The following SNTG2 variants were observed in gnomAD, a reference collection of about 807,000 sequenced individuals.
SNTG2 encodes the protein gamma-2-syntrophin.
In SNTG2, 74 loss-of-function variants were observed where a neutral mutation model predicts 70.9. The observed-to-expected ratio is 1.04, with a 90% CI of 0.86 to 1.27. The LOEUF is 1.27. Ranked by LOEUF, SNTG2 falls within the 50% of genes most tolerant of loss-of-function variation. The pLI, the probability that SNTG2 is intolerant of heterozygous loss-of-function variation, is 0.00. For synonymous variants in SNTG2, 278 were observed against 273.8 expected, an observed-to-expected ratio of 1.02 and a Z score of -0.15; for missense variants, 717 against 690.7, an observed-to-expected ratio of 1.04 and a Z score of -0.43.
At chr2:1,001,531 TA>T (rs1318523290) in intron 1 of SNTG2, among the ~76,000 whole-genome samples, 1 of 151,780 alleles carries the variant, frequency 6.6e-6, no homozygotes, top group Admixed American at 6.6e-5. Flanking sequence ...CTACAATAAG[TA>T]AAATACCTAG....
chr2:1,084,885 C>T, intron 2 of SNTG2, among the ~76,000 whole-genome samples: 1 of 152,210 alleles, frequency 6.6e-6, no homozygotes, highest in Non-Finnish European at 1.5e-5. Context: ...GGGCACCTGA[C>T]CCCATTCATG....
At chr2:984,774 G>A (rs79440324) in intron 1 of SNTG2, among the ~76,000 whole-genome samples, 3,237 of 152,316 alleles carry the variant, frequency 0.021, 110 homozygotes, top group African/African-American at 0.074. Context: ...GGTAACAGAC[G>A]TCCAGGTGCT....
Position 1,222,129 on chromosome 2 carries a change from C to CTGCCTA in SNTG2, c.719+12900_719+12901insGCCTAT, listed in dbSNP as rs1209807504. ...TGTCTCTCTCTGTCTCTCTCTGTCT[C>CTGCCTA]TCTCTGTCTCTCTCTGTCTCTGCCT... On this transcript the variant is annotated intron_variant, in intron 9 of 16. Transcript: ENST00000308624. Among the ~76,000 whole-genome samples the CTGCCTA allele has an allele frequency of 5.1e-5, 5 of 97,950 alleles. 1 individual carries two copies. The highest frequency in any genetic ancestry group is 7.6e-5 in the African/African-American group (2 of 26,310). The allele number at this position is 97,950 out of a possible 152,430, so 64.3% of individuals were successfully genotyped here. A position where few individuals can be genotyped will look rare whatever the true frequency, so the allele number is the denominator to read the frequency against.
chr2:1,134,950 G>A (rs552017144), intron 4 of SNTG2, among the ~76,000 whole-genome samples: 17 of 152,154 alleles, frequency 1.1e-4, no homozygotes, highest in Non-Finnish European at 2.5e-4. Context: ...TACACCCTCC[G>A]CAGCCGCTGG....
intron 16 of SNTG2, among the ~76,000 whole-genome samples, chr2:1,360,044 A>G (rs183185424): frequency 1.7e-4 from 17 of 97,728 alleles, no homozygotes; most frequent in African/African-American, 5.9e-4. Flanking sequence ...ATTCTATCCC[A>G]TTTTTCCCAT....
intron 1 of SNTG2, among the ~76,000 whole-genome samples, chr2:956,615 C>T (rs1394129660): frequency 1.3e-5 from 2 of 152,224 alleles, no homozygotes; most frequent in African/African-American, 4.8e-5. Context: ...ATGGGCCCAT[C>T]TCGGTCGGGC....
chr2:1,288,902 C>T (rs149579463), intron 14 of SNTG2, among the ~76,000 whole-genome samples: 1 of 152,302 alleles, frequency 6.6e-6, no homozygotes, highest in Admixed American at 6.5e-5. Flanking sequence ...CCAGCCCCTG[C>T]ATTTGCAGGT....
chr2:1,221,480 T>C (rs1257015909), intron 9 of SNTG2, among the ~76,000 whole-genome samples: 2 of 54,534 alleles, frequency 3.7e-5, no homozygotes, highest in African/African-American at 1.1e-4. Context: ...TCTGTCTCTC[T>C]CTCTCTCTGT....
chr2:1,090,579 C>T (rs1664954530), intron 2 of SNTG2, among the ~76,000 whole-genome samples: 1 of 152,140 alleles, frequency 6.6e-6, no homozygotes, highest in Non-Finnish European at 1.5e-5. Context: ...TTTGCAAGGG[C>T]CGGTGGGTGA....
At chr2:978,066 T>G (rs1558290067) in intron 1 of SNTG2, among the ~76,000 whole-genome samples, 1 of 152,256 alleles carries the variant, frequency 6.6e-6, no homozygotes, top group Non-Finnish European at 1.5e-5. Flanking sequence ...TGTGACCCCA[T>G]TGAAGCATGG....
rs554799298 is a variant in SNTG2, at chr2:1,201,020, A to G, written c.592-8083A>G. On this transcript the variant is annotated intron_variant, in intron 8 of 16. Transcript: ENST00000308624. ...TCAGAAAACTAAAAATAGAGCTACT[A>G]TATGATTGAGCAATCCCACTAGTGG... 5.7e-4 allele frequency among the ~76,000 whole-genome samples: 86 copies of G among 152,160 alleles called. 1 individual carries two copies. Among genetic ancestry groups the G allele is most frequent in the African/African-American group, 1.8e-3 (76 of 41,566 alleles).
rs192877132 is a variant in SNTG2 at position 981,135 on chromosome 2, A to G, written c.72+30067A>G. 1.7e-3 allele frequency among the ~76,000 whole-genome samples: 254 copies of G among 152,200 alleles called. 4 individuals are homozygous for G. The South Asian group carries it at 0.018, about 11-fold the overall frequency. ...TTTTACTACTGTTCAGACTCATTCT[A>G]TTGTAGCTTTGCTTTTCATGATCAA... On this transcript the variant is annotated intron_variant, in intron 1 of 16. Coordinates refer to ENST00000308624, the MANE Select transcript of SNTG2 (RefSeq NM_018968.4).
chr2:1,011,681 T>C (rs952579904), intron 1 of SNTG2, among the ~76,000 whole-genome samples: 3 of 75,432 alleles, frequency 4.0e-5, no homozygotes, highest in Non-Finnish European at 9.8e-5. Flanking sequence ...AATTGCAGGC[T>C]TTTTTTGTTG....
intron 6 of SNTG2, among the ~76,000 whole-genome samples, chr2:1,162,695 A>C (rs1377087129): frequency 2.6e-5 from 4 of 152,152 alleles, no homozygotes; most frequent in Non-Finnish European, 5.9e-5. Context: ...AACCTCGTTT[A>C]TCAAAGGAGA....
intron 9 of SNTG2, among the ~76,000 whole-genome samples, chr2:1,222,673 AGGTGCTGG>A: frequency 1.5e-4 from 1 of 6,838 alleles, no homozygotes; most frequent in Non-Finnish European, 3.3e-4. Flanking sequence ...CTGCTGGTGG[AGGTGCTGG>A]ATCGCTGTAG....
chr2:1,338,343 G>C (rs992527651), intron 16 of SNTG2, among the ~76,000 whole-genome samples: 1 of 152,110 alleles, frequency 6.6e-6, no homozygotes, highest in Admixed American at 6.5e-5. Context: ...CTTTCCATTT[G>C]TTGGTGTCTT....
chr2:1,181,920 C>T (rs570047350), intron 8 of SNTG2, among the ~76,000 whole-genome samples: 1 of 152,228 alleles, frequency 6.6e-6, no homozygotes, highest in East Asian at 1.9e-4. Flanking sequence ...GGAAAAATCC[C>T]ACTCACATTA....
At chr2:1,300,430 G>T (rs1680410458) in intron 14 of SNTG2, among the ~76,000 whole-genome samples, 2 of 152,184 alleles carry the variant, frequency 1.3e-5, no homozygotes, top group African/African-American at 4.8e-5. Context: ...GATAAAAACA[G>T]GAAGATCCCT....
intron 8 of SNTG2, among the ~76,000 whole-genome samples, chr2:1,205,416 G>C (rs1178667006): frequency 6.6e-6 from 1 of 152,186 alleles, no homozygotes; most frequent in Non-Finnish European, 1.5e-5. Flanking sequence ...TGTGAGTGTT[G>C]CAGATCTCAG....
Sources: allele counts gnomAD v4.1 joint callset (sites outside exome capture counted in the v4.1 genomes callset), GRCh38; gene constraint gnomAD v4.1.1; transcripts MANE v1.5; gene names NCBI Gene and HGNC (gene_info 2026-07-23, HGNC 2026-07-21).